Variants in DOCK2 observed in about 807,000 individuals in gnomAD.
The protein encoded by DOCK2 is dedicator of cytokinesis 2, also known as dedicator of cytokinesis protein 2.
Under a neutral mutation model 248.9 loss-of-function variants are expected in DOCK2, and 87 were observed. That is an observed-to-expected ratio of 0.35 (90% CI 0.29 to 0.42). The LOEUF (loss-of-function observed/expected upper bound fraction) is 0.42, where lower values mean the gene tolerates loss of function less well. DOCK2 is among the 10% of genes least tolerant of loss of function. The pLI is 1.00. For missense variants in DOCK2, 1,747 were observed against 2,300.2 expected, an observed-to-expected ratio of 0.76 and a Z score of 4.92; for synonymous variants, 805 against 821.6, an observed-to-expected ratio of 0.98 and a Z score of 0.35.
chr5:169,832,164 A>G (rs564878648), intron 26 of DOCK2, among the ~76,000 whole-genome samples: 1 of 152,348 alleles, frequency 6.6e-6, no homozygotes, highest in African/African-American at 2.4e-5. Context: ...GTGGAGTTTT[A>G]TAAACAGTTA....
intron 27 of DOCK2, among the ~76,000 whole-genome samples, chr5:169,978,682 G>C (rs980709576): frequency 6.6e-6 from 1 of 152,058 alleles, no homozygotes; most frequent in Admixed American, 6.5e-5. Context: ...TTCCAAGTGT[G>C]CAAGACCTCC....
intron 27 of DOCK2, among the ~76,000 whole-genome samples, chr5:169,963,661 C>G (rs1203848864): frequency 1.3e-5 from 2 of 152,194 alleles, no homozygotes; most frequent in African/African-American, 4.8e-5. Context: ...AACCCACCCC[C>G]TCACCCAGTC....
intron 22 of DOCK2, among the ~76,000 whole-genome samples, chr5:169,738,940 C>G (rs943782491): frequency 6.6e-6 from 1 of 152,200 alleles, no homozygotes; most frequent in African/African-American, 2.4e-5. Flanking sequence ...TCCTACTGCT[C>G]AAAGAGGTCT....
chr5:169,953,451 T>C lies in DOCK2; in HGVS notation c.2800-29617T>C, dbSNP rs1418874820. Among the ~76,000 whole-genome samples the C allele has an allele frequency of 2.6e-5, 4 of 152,136 alleles. 1 individual carries two copies. The South Asian group carries it at 8.3e-4, about 32-fold the overall frequency. ...GTGACTGTGGGCAAATTGTTTCAGA[T>C]CTCTAAACCCGCAATTCCCTTGTTT... On this transcript the variant is annotated intron_variant, in intron 27 of 51. Coordinates refer to ENST00000520908, the MANE Select transcript of DOCK2 (RefSeq NM_004946.3).
At chr5:170,021,896 T>G (rs1755741762) in intron 33 of DOCK2, among the ~76,000 whole-genome samples, 2 of 152,088 alleles carry the variant, frequency 1.3e-5, no homozygotes, top group South Asian at 4.1e-4. Flanking sequence ...ACCCCAATAC[T>G]GGGGTCTAGA....
At chr5:169,967,105 C>A (rs1777329827) in intron 27 of DOCK2, among the ~76,000 whole-genome samples, 1 of 152,198 alleles carries the variant, frequency 6.6e-6, no homozygotes, top group Non-Finnish European at 1.5e-5. Context: ...AAGTAGGACA[C>A]TGAGCCAGTC....
chr5:169,750,529 G>A (rs1310244674), intron 23 of DOCK2, among the ~76,000 whole-genome samples: 3 of 151,128 alleles, frequency 2.0e-5, no homozygotes, highest in African/African-American at 4.8e-5. Context: ...CTATGCAAAT[G>A]CAGTGAACTA....
intron 3 of DOCK2, among the ~76,000 whole-genome samples, chr5:169,669,600 T>C (rs1443337367): frequency 6.6e-6 from 1 of 152,144 alleles, no homozygotes; most frequent in Non-Finnish European, 1.5e-5. Context: ...CTTCCTCGAG[T>C]CTCTGTGGAA....
At chr5:169,836,112 T>C (rs1769568209) in intron 26 of DOCK2, among the ~76,000 whole-genome samples, 1 of 152,208 alleles carries the variant, frequency 6.6e-6, no homozygotes, top group East Asian at 1.9e-4. Flanking sequence ...ACTTATAACT[T>C]TGATAAAAAT....
chr5:170,002,188 G>A (rs1258325539), intron 30 of DOCK2, among the ~76,000 whole-genome samples: 4 of 150,922 alleles, frequency 2.7e-5, no homozygotes, highest in African/African-American at 9.8e-5. Context: ...AGTTTCCCAT[G>A]CATAAAGATG....
chr5:170,023,046 G>A (rs1755783757), intron 33 of DOCK2, among the ~76,000 whole-genome samples: 1 of 152,178 alleles, frequency 6.6e-6, no homozygotes, highest in South Asian at 2.1e-4. Context: ...TGGAAAGAGG[G>A]GATGTAGGTG....
chr5:169,959,112 G>T (rs1256573827), intron 27 of DOCK2, among the ~76,000 whole-genome samples: 1 of 152,158 alleles, frequency 6.6e-6, no homozygotes, highest in Non-Finnish European at 1.5e-5. Flanking sequence ...GCACAAACTG[G>T]CTGGGCATGG....
intron 25 of DOCK2, among the ~76,000 whole-genome samples, chr5:169,788,398 C>A (rs1766124599): frequency 1.3e-5 from 2 of 152,172 alleles, no homozygotes; most frequent in Admixed American, 1.3e-4. Flanking sequence ...GACTTGAAAC[C>A]ATTAGCTTCT....
chr5:169,695,004 C>G (rs72841139), intron 9 of DOCK2, among the ~76,000 whole-genome samples: 6,522 of 152,164 alleles, frequency 0.043, 134 homozygotes, highest in Middle Eastern at 0.058. Flanking sequence ...AATAAACAAA[C>G]AGATAGTTGA....
intron 22 of DOCK2, among the ~76,000 whole-genome samples, chr5:169,729,201 G>T (rs1348739933): frequency 6.6e-6 from 1 of 152,312 alleles, no homozygotes. Context: ...GGTCTAGTTT[G>T]CCAGAAGGGT....
intron 9 of DOCK2, among the ~76,000 whole-genome samples, chr5:169,692,021 A>G (rs1301319316): frequency 6.6e-6 from 1 of 151,582 alleles, no homozygotes; most frequent in Non-Finnish European, 1.5e-5. Context: ...ACGCCCCACT[A>G]ATTTTTTGTA....
rs192637827 is a variant in DOCK2, at chr5:169,683,017, T to C, written c.606+1138T>C. The stretch of plus-strand genomic sequence containing the variant: ...TACCACTGGCCAGTTACCAATGGTA[T>C]ATAGCATTGACCAATTATTGGGCAT... On this transcript the variant is annotated intron_variant, in intron 7 of 51. Coordinates refer to ENST00000520908, the MANE Select transcript of DOCK2 (RefSeq NM_004946.3). Among the ~76,000 whole-genome samples, 39 of 152,336 alleles carry C rather than the reference T, an allele frequency of 2.6e-4. 1 individual carries two copies. In the East Asian group the frequency reaches 7.3e-3, roughly 29 times the overall value.
At chr5:169,968,808 T>A (rs961192032) in intron 27 of DOCK2, among the ~76,000 whole-genome samples, 1 of 152,104 alleles carries the variant, frequency 6.6e-6, no homozygotes, top group Non-Finnish European at 1.5e-5. Context: ...AACACAAAGA[T>A]GGACTGCCCT....
At chr5:170,047,164 T>C (rs1456561477) in intron 39 of DOCK2, among the ~76,000 whole-genome samples, 4 of 152,084 alleles carry the variant, frequency 2.6e-5, no homozygotes, top group African/African-American at 9.7e-5. Context: ...GGAGCAGAGA[T>C]GCAATGATGG....
Sources: gnomAD v4.1 joint callset for allele counts (sites outside exome capture counted in the v4.1 genomes callset) on GRCh38, gnomAD v4.1.1 for gene constraint, MANE v1.5 for transcripts, NCBI Gene and HGNC (gene_info 2026-07-23, HGNC 2026-07-21) for gene names.